The following ANKAR variants were observed in gnomAD, a reference collection of about 807,000 sequenced individuals.
ANKAR encodes ankyrin and armadillo repeat containing.
Under a neutral mutation model 146.2 loss-of-function variants are expected in ANKAR, and 136 were observed. That is an observed-to-expected ratio of 0.93 (90% CI 0.81 to 1.07). The LOEUF is 1.07. Among genes scored for constraint, ANKAR ranks in the 50% least tolerant of loss-of-function variants. The pLI, the probability that ANKAR is intolerant of heterozygous loss-of-function variation, is 0.00. For missense variants in ANKAR, 1,567 were observed against 1,679.9 expected (o/e 0.93, Z 1.18); for synonymous variants, 500 against 575.8 (o/e 0.87, Z 1.88).
At chr2:189,714,330 A>G (rs188960167) in intron 10 of ANKAR, among the ~76,000 whole-genome samples, 162 of 152,292 alleles carry the variant, frequency 1.1e-3, no homozygotes, top group African/African-American at 3.7e-3. Flanking sequence ...ACCACATCAC[A>G]CTTACTCCAA....
chr2:189,682,629 G>A (rs1376856625), intron 2 of ANKAR, among the ~76,000 whole-genome samples: 1 of 152,152 alleles, frequency 6.6e-6, no homozygotes, highest in African/African-American at 2.4e-5. Context: ...GATTAAAGAA[G>A]CATCAGGTCA....
intron 16 of ANKAR, among the ~76,000 whole-genome samples, chr2:189,732,112 T>G (rs1010390073): frequency 3.3e-5 from 5 of 152,246 alleles, no homozygotes; most frequent in African/African-American, 1.2e-4. Flanking sequence ...TACATTTCAA[T>G]ACTTTTTCTC....
chr2:189,710,669 G>A (rs551996408), intron 9 of ANKAR, among the ~76,000 whole-genome samples: 10 of 152,294 alleles, frequency 6.6e-5, no homozygotes, highest in Non-Finnish European at 1.5e-4. Flanking sequence ...AGGTGTGGTG[G>A]TGCATACCTG....
intron 7 of ANKAR, among the ~76,000 whole-genome samples, chr2:189,702,906 G>A (rs1006047367): frequency 6.6e-6 from 1 of 152,178 alleles, no homozygotes; most frequent in Non-Finnish European, 1.5e-5. Context: ...GAAGGTGTCA[G>A]AGAGCAGGAA....
In ANKAR at chr2:189,707,045, A is replaced by G. The variant is rs1454581004; in HGVS notation, c.2018A>G (p.Asn673Ser). 9.3e-6 allele frequency: 15 copies of G among 1,611,770 alleles called. No individual in the cohort carries two copies. The highest frequency in any genetic ancestry group is 1.3e-5 in the Non-Finnish European group (15 of 1,178,158). ...ANWRKTDIKG[N>S]NIIHLSVLTF... The stretch of plus-strand genomic sequence containing the variant: ...TGGAGAAAAACAGATATTAAAGGAA[A>G]TAATATAATCCATTTATCAGTGTTA... The change falls in exon 9 of 23, where the codon AAT (asparagine) becomes AGT (serine). Residue 673 changes from asparagine (N) to serine (S), a missense_variant. Coordinates refer to ENST00000684021, the MANE Select transcript of ANKAR (RefSeq NM_001378068.1).
At chr2:189,702,470 C>T (rs79629082) in intron 7 of ANKAR, among the ~76,000 whole-genome samples, 2,844 of 152,190 alleles carry the variant, frequency 0.019, 87 homozygotes, top group African/African-American at 0.064. Context: ...TTAGGAAGTT[C>T]CTGCTTGTGA....
chr2:189,755,472 C>T (rs570164694), intron 18 of ANKAR: 3 of 1,601,974 alleles, frequency 1.9e-6, no homozygotes, highest in South Asian at 2.3e-5. Context: ...CTTGGAGAGA[C>T]TCCACTGGCA....
chr2:189,754,102 G>T, intron 18 of ANKAR: 1 of 1,611,708 alleles, frequency 6.2e-7, no homozygotes, highest in Admixed American at 1.7e-5. Flanking sequence ...CACAATCCAG[G>T]AATATTTATC....
In ANKAR at chr2:189,742,969, CACACACACACA is replaced by C. The variant is rs1559148009; in HGVS notation, c.3811-305_3811-295del. 1.1e-3 allele frequency among the ~76,000 whole-genome samples: 139 copies of C among 131,946 alleles called. 3 individuals are homozygous for C. The highest frequency in any genetic ancestry group is 1.8e-3 in the Non-Finnish European group (105 of 59,950). 86.6% of individuals were successfully genotyped at this position (131,946 alleles called of 152,430 possible). On this transcript the variant is annotated intron_variant, in intron 20 of 22. Coordinates refer to ENST00000684021, the MANE Select transcript of ANKAR (RefSeq NM_001378068.1). ...ACACACACACACACACACACACACA[CACACACACACA>C]CCCCTGAAAGGATTCTGATTTAGTT...
chr2:189,741,213 C>G, intron 19 of ANKAR, 129 bp from the exon 20 acceptor site: 1 of 515,602 alleles, frequency 1.9e-6, no homozygotes, highest in Admixed American at 3.8e-5. Context: ...CATGCTTTTT[C>G]TCAGTGCTGC....
intron 2 of ANKAR, among the ~76,000 whole-genome samples, chr2:189,677,472 A>G (rs1226465348): frequency 2.0e-5 from 3 of 151,910 alleles, no homozygotes; most frequent in Non-Finnish European, 4.4e-5. Context: ...CCCAAAGTCC[A>G]TTATATCATT....
chr2:189,697,200 G>A (rs1406497412), intron 7 of ANKAR, among the ~76,000 whole-genome samples: 2 of 151,362 alleles, frequency 1.3e-5, no homozygotes, highest in African/African-American at 4.9e-5. Flanking sequence ...AGATGAGCCC[G>A]GGCAGCATAA....
chr2:189,761,373 T>G (rs1251125980), downstream of ANKAR: 4 of 1,551,988 alleles, frequency 2.6e-6, no homozygotes, highest in African/African-American at 5.6e-5. Context: ...AAGAATGATT[T>G]TACTTTTTCC....
intron 21 of ANKAR, among the ~76,000 whole-genome samples, chr2:189,744,275 G>C (rs1212113247): frequency 6.6e-6 from 1 of 151,990 alleles, no homozygotes; most frequent in Admixed American, 6.6e-5. Context: ...GTCTAAAATG[G>C]GTGACCTAAT....
chr2:189,735,835 C>G (rs1227843421), intron 17 of ANKAR, among the ~76,000 whole-genome samples: 1 of 152,138 alleles, frequency 6.6e-6, no homozygotes. Context: ...TACTGTTATT[C>G]TACTCTTTTT....
rs1271447036 is a variant in ANKAR, at chr2:189,743,397, C to G, written c.3933C>G (p.Ser1311Arg). ...NQFIRIKNNI[S>R]RDASINPAFL... The stretch of plus-strand genomic sequence containing the variant: ...TCATTCGTATAAAAAATAATATCAG[C>G]AGAGATGCAAGTATTAACCCAGCAT... The change falls in exon 21 of 23, where the codon AGC becomes AGG. Residue 1311 changes from serine to arginine, a missense_variant. Coordinates refer to ENST00000684021, the MANE Select transcript of ANKAR (RefSeq NM_001378068.1). 1 of 1,613,722 alleles carries G rather than the reference C, an allele frequency of 6.2e-7. No individual in the cohort carries two copies.
At chr2:189,684,017 C>A (rs1465168912) in intron 2 of ANKAR, among the ~76,000 whole-genome samples, 1 of 152,186 alleles carries the variant, frequency 6.6e-6, no homozygotes, top group Non-Finnish European at 1.5e-5. Flanking sequence ...GTTTTCTCAG[C>A]AGGCATTTTA....
At chr2:189,746,091 G>A (rs1297295321) in intron 22 of ANKAR, among the ~76,000 whole-genome samples, 1 of 152,156 alleles carries the variant, frequency 6.6e-6, no homozygotes, top group Non-Finnish European at 1.5e-5. Context: ...ATCATTTTGA[G>A]ATAATGCCTT....
At chr2:189,704,233 C>G (rs2105643910) in intron 7 of ANKAR, among the ~76,000 whole-genome samples, 1 of 151,738 alleles carries the variant, frequency 6.6e-6, no homozygotes, top group Admixed American at 6.6e-5. Flanking sequence ...CCTCCGCCTC[C>G]CAGGCTCAAG....
Sources: allele counts gnomAD v4.1 joint callset (sites outside exome capture counted in the v4.1 genomes callset), GRCh38; gene constraint gnomAD v4.1.1; transcripts MANE v1.5; gene names NCBI Gene and HGNC (gene_info 2026-07-23, HGNC 2026-07-21).